ADCY2: variants seen among roughly 807,000 people sequenced by gnomAD.
The protein encoded by ADCY2 is adenylate cyclase type 2.
Under a neutral mutation model 125.2 loss-of-function variants are expected in ADCY2, and 31 were observed. That is an observed-to-expected ratio of 0.25 (90% CI 0.19 to 0.33). The LOEUF is 0.33. Ranked by LOEUF, ADCY2 falls within the 10% of genes least tolerant of loss-of-function variation. ADCY2 has a pLI of 1.00. For synonymous variants in ADCY2, 512 were observed against 548.4 expected, an observed-to-expected ratio of 0.93 and a Z score of 0.93; for missense variants, 904 against 1,418.2, an observed-to-expected ratio of 0.64 and a Z score of 5.82.
chr5:7,743,952 A>T lies in ADCY2; in HGVS notation c.1956+200A>T, dbSNP rs532116519. Among the ~76,000 whole-genome samples the T allele has an allele frequency of 2.0e-5, 3 of 152,334 alleles. No homozygotes were observed. The South Asian group carries it at 6.2e-4, about 32-fold the overall frequency. On this transcript the variant is annotated intron_variant, in intron 15 of 24. Coordinates refer to ENST00000338316, the MANE Select transcript of ADCY2 (RefSeq NM_020546.3). ...CCCCTCATGCACAACCAAGACACGAATATGAAGATGATTCAAAACGTTCGA... is the reference window on the plus strand; with the variant it reads ...CCCCTCATGCACAACCAAGACACGATTATGAAGATGATTCAAAACGTTCGA...
chr5:7,710,593 G>A (rs1741408477), intron 10 of ADCY2, among the ~76,000 whole-genome samples: 1 of 152,164 alleles, frequency 6.6e-6, no homozygotes, highest in Admixed American at 6.5e-5. Flanking sequence ...GAAAGTGAGT[G>A]TGGTGTCCCC....
chr5:7,807,319 T>C (rs1744787223), intron 22 of ADCY2, among the ~76,000 whole-genome samples: 1 of 152,204 alleles, frequency 6.6e-6, no homozygotes, highest in Non-Finnish European at 1.5e-5. Context: ...ACTGCCTTTA[T>C]CTTTCACCTT....
chr5:7,446,824 T>C (rs1423342982), intron 2 of ADCY2, among the ~76,000 whole-genome samples: 1 of 152,240 alleles, frequency 6.6e-6, no homozygotes, highest in Non-Finnish European at 1.5e-5. Context: ...ATGGTTTCTT[T>C]TGGCACTTAG....
In ADCY2 at chr5:7,802,376, G is replaced by C. The variant is rs748576308; in HGVS notation, c.2775+12G>C. The C allele has an allele frequency of 1.9e-5, 30 of 1,613,282 alleles. No homozygotes were observed. Among genetic ancestry groups the C allele is most frequent in the Non-Finnish European group, 2.3e-5 (27 of 1,179,562 alleles). Reference sequence around the variant, plus strand: ...CTGACTTTGATGATGTAGGTACTGAGAGTTGCCCTCGAAGGGCAGCAGTAC... The same window carrying C: ...CTGACTTTGATGATGTAGGTACTGACAGTTGCCCTCGAAGGGCAGCAGTAC... On this transcript the variant is annotated intron_variant, in intron 21 of 24. Coordinates refer to ENST00000338316, the MANE Select transcript of ADCY2 (RefSeq NM_020546.3). This position sits in a 1 kb window ranked among gnomAD's most constrained non-coding sequence, Gnocchi z 4.6.
chr5:7,510,523 A>G (rs527865307), intron 2 of ADCY2, among the ~76,000 whole-genome samples: 1 of 152,310 alleles, frequency 6.6e-6, no homozygotes, highest in African/African-American at 2.4e-5. Flanking sequence ...TATATTCCTA[A>G]CAAGTTCCCA....
chr5:7,824,183 C>T lies in ADCY2; in HGVS notation c.3124-2536C>T, dbSNP rs142195105. ...ATAAGCTTCTCCTAGGCCTGAGGAA[C>T]GGGTTCTTTTTATTAAAGAGCATTT... is the stretch of plus-strand genomic sequence containing the variant. On this transcript the variant is annotated intron_variant, in intron 24 of 24. Coordinates refer to ENST00000338316, the MANE Select transcript of ADCY2 (RefSeq NM_020546.3). 3.9e-5 allele frequency among the ~76,000 whole-genome samples: 6 copies of T among 152,176 alleles called. 1 individual carries two copies. Among genetic ancestry groups the T allele is most frequent in the South Asian group, 4.1e-4 (2 of 4,826 alleles).
intron 18 of ADCY2, among the ~76,000 whole-genome samples, chr5:7,775,367 C>T (rs552736288): frequency 6.6e-6 from 1 of 152,016 alleles, no homozygotes; most frequent in East Asian, 1.9e-4. Flanking sequence ...AGGCATGAGC[C>T]ACAGCGCCTG....
chr5:7,787,353 C>T lies in ADCY2; in HGVS notation c.2470-2289C>T, dbSNP rs192239636. Among the ~76,000 whole-genome samples the T allele has an allele frequency of 9.2e-5, 14 of 152,272 alleles. No individual in the cohort carries two copies. In the South Asian group the frequency reaches 1.0e-3, roughly 11 times the overall value. ...CCCTCCTTTCTCTTGTAAGCACACC[C>T]GTCTTGAGGTTTAGGGCCAACCCTA... On this transcript the variant is annotated intron_variant, in intron 19 of 24. Coordinates refer to ENST00000338316, the MANE Select transcript of ADCY2 (RefSeq NM_020546.3).
intron 4 of ADCY2, among the ~76,000 whole-genome samples, chr5:7,672,011 C>T (rs1194773648): frequency 6.6e-6 from 1 of 152,060 alleles, no homozygotes; most frequent in Non-Finnish European, 1.5e-5. Context: ...TTTGTGCTCT[C>T]TGATGGCTGC....
At chr5:7,675,904 G>A (rs1051804993) in intron 4 of ADCY2, among the ~76,000 whole-genome samples, 11 of 152,312 alleles carry the variant, frequency 7.2e-5, no homozygotes, top group African/African-American at 2.4e-4. Context: ...GATGATATTA[G>A]CAAGTTAAGA....
intron 2 of ADCY2, among the ~76,000 whole-genome samples, chr5:7,448,125 C>T (rs1741342381): frequency 6.6e-6 from 1 of 152,182 alleles, no homozygotes; most frequent in African/African-American, 2.4e-5. Context: ...GGAACTCTGG[C>T]TTCTTCTAAT....
chr5:7,804,423 A>C (rs1744697113), intron 21 of ADCY2, among the ~76,000 whole-genome samples, 162 bp from the exon 22 acceptor site: 1 of 152,230 alleles, frequency 6.6e-6, no homozygotes, highest in South Asian at 2.1e-4. Context: ...AAATACAAGA[A>C]GTTTTCATTC....
chr5:7,757,337 T>G (rs1743025443), intron 15 of ADCY2, 112 bp from the exon 16 acceptor site: 1 of 1,355,494 alleles, frequency 7.4e-7, no homozygotes, highest in South Asian at 1.4e-5. Flanking sequence ...ATCTACATGT[T>G]TAGTCTATGA....
intron 2 of ADCY2, among the ~76,000 whole-genome samples, chr5:7,439,574 G>A (rs1483329555): frequency 6.6e-6 from 1 of 151,560 alleles, no homozygotes; most frequent in Non-Finnish European, 1.5e-5. Context: ...AAGTATGTGT[G>A]TACATATACA....
At chr5:7,584,630 T>G (rs898271713) in intron 3 of ADCY2, among the ~76,000 whole-genome samples, 3 of 152,118 alleles carry the variant, frequency 2.0e-5, no homozygotes, top group Admixed American at 6.5e-5. Context: ...AAAAATGTCT[T>G]TTGCTGAAAT....
At chr5:7,561,242 T>C (rs189343041) in intron 3 of ADCY2, among the ~76,000 whole-genome samples, 2 of 152,346 alleles carry the variant, frequency 1.3e-5, no homozygotes, top group South Asian at 2.1e-4. Context: ...ATGGCAGGGA[T>C]GTGTTCTGAG....
At chr5:7,432,244 C>T (rs901760069) in intron 2 of ADCY2, among the ~76,000 whole-genome samples, 4 of 152,094 alleles carry the variant, frequency 2.6e-5, no homozygotes, top group African/African-American at 9.7e-5. Context: ...AAATCTCCTT[C>T]ATTGACCATC....
intron 17 of ADCY2, among the ~76,000 whole-genome samples, 193 bp from the exon 18 acceptor site, chr5:7,772,739 A>G (rs536912442): frequency 4.8e-4 from 31 of 64,442 alleles, no homozygotes; most frequent in Non-Finnish European, 7.7e-4. Context: ...AAAGCTTTGG[A>G]TGATTTTTTT....
chr5:7,414,489 T>A, intron 1 of ADCY2, 84 bp from the exon 2 acceptor site: 1 of 1,188,966 alleles, frequency 8.4e-7, no homozygotes, highest in Non-Finnish European at 1.2e-6. Flanking sequence ...TTGACAAGCG[T>A]TGATGACATT....
Sources: gnomAD v4.1 joint callset for allele counts (sites outside exome capture counted in the v4.1 genomes callset) on GRCh38, gnomAD v4.1.1 for gene constraint, Gnocchi (gnomAD v3.1) non-coding constraint, MANE v1.5 for transcripts, NCBI Gene and HGNC (gene_info 2026-07-23, HGNC 2026-07-21) for gene names.